Variants in CYRIA observed in about 807,000 individuals in gnomAD.
CYRIA encodes CYFIP related Rac1 interactor A.
CYRIA carries 15 observed loss-of-function variants against 43.9 expected under a neutral mutation model. The ratio of observed to expected loss-of-function variants is 0.34; its 90% CI spans 0.23 to 0.53. The LOEUF (loss-of-function observed/expected upper bound fraction) is 0.53. CYRIA is among the 20% of genes least tolerant of loss of function. The pLI, the probability that CYRIA is intolerant of heterozygous loss-of-function variation, is 0.94. For synonymous variants in CYRIA, 117 were observed against 136.0 expected (o/e 0.86, Z 0.97); for missense variants, 236 against 394.2 (o/e 0.60, Z 3.40).
intron 10 of CYRIA, among the ~76,000 whole-genome samples, chr2:16,558,663 C>CTTCA (rs892205503): frequency 3.9e-5 from 6 of 152,152 alleles, no homozygotes; most frequent in Admixed American, 6.6e-5. Flanking sequence ...TTTCAATTAT[C>CTTCA]TTCATTCATT....
chr2:16,623,472 A>G (rs1191178454), intron 2 of CYRIA, among the ~76,000 whole-genome samples: 1 of 152,204 alleles, frequency 6.6e-6, no homozygotes, highest in Non-Finnish European at 1.5e-5. Context: ...AGCAGGTGGG[A>G]TGCAAGTCCG....
At chr2:16,629,830 A>C (rs1230217386) in intron 1 of CYRIA, among the ~76,000 whole-genome samples, 1 of 151,748 alleles carries the variant, frequency 6.6e-6, no homozygotes, top group Non-Finnish European at 1.5e-5. Context: ...CATTCAACAC[A>C]CAACAGCTGT....
chr2:16,622,862 G>C (rs1213358385), intron 2 of CYRIA: 2 of 152,240 alleles, frequency 1.3e-5, no homozygotes, highest in Non-Finnish European at 2.9e-5. Context: ...AAGAATAAGA[G>C]TCTGGCATAA....
Position 16,643,049 on chromosome 2 carries a change from AAGAT to A in CYRIA, c.-166-19034_-166-19031del, listed in dbSNP as rs1363872232. ...ATAATAATATAATTATTACCTAAATAAGATAAATACATTACTTTAGTACTTTTTT... is the reference window on the plus strand; with the variant it reads ...ATAATAATATAATTATTACCTAAATAAAATACATTACTTTAGTACTTTTTT... On this transcript the variant is annotated intron_variant, in intron 1 of 11. Transcript: ENST00000381323. Among the ~76,000 whole-genome samples the A allele has an allele frequency of 2.6e-4, 39 of 149,626 alleles. 1 individual carries two copies. The highest frequency in any genetic ancestry group is 9.3e-4 in the African/African-American group (38 of 41,052).
chr2:16,601,705 C>T (rs1668211797), intron 2 of CYRIA, among the ~76,000 whole-genome samples: 1 of 123,192 alleles, frequency 8.1e-6, no homozygotes, highest in Admixed American at 8.4e-5. Flanking sequence ...GTCACATTTC[C>T]AGTTTCAAAA....
intron 2 of CYRIA, among the ~76,000 whole-genome samples, chr2:16,614,150 A>G (rs11679606): frequency 0.58 from 87,606 of 152,074 alleles, 28,792 homozygotes; most frequent in East Asian, 0.99. Context: ...ATTTTGAGTC[A>G]GAAAATACTC....
In CYRIA at chr2:16,552,897, C is replaced by T. The variant is rs570496174; in HGVS notation, c.*39G>A. 6.4e-6 allele frequency: 8 copies of T among 1,256,976 alleles called. No individual in the cohort carries two copies. The South Asian group carries it at 9.5e-5, about 15-fold the overall frequency. 77.9% of individuals were successfully genotyped at this position (1,256,976 alleles called of 1,614,324 possible). A position where few individuals can be genotyped will look rare whatever the true frequency, so the allele number is the denominator to read the frequency against. ...TAAATTATGTAAACATATACATCTT[C>T]TGAGGTCAGCACATAGATCCTCTTC... On this transcript the variant is annotated 3_prime_UTR_variant, in exon 12 of 12. Transcript: ENST00000381323.
intron 1 of CYRIA, among the ~76,000 whole-genome samples, chr2:16,634,674 G>A (rs948045096): frequency 6.6e-6 from 1 of 152,196 alleles, no homozygotes; most frequent in Non-Finnish European, 1.5e-5. Context: ...GTGTCTGGGG[G>A]GTGGCAGAAC....
chr2:16,624,440 C>G (rs188734774), intron 1 of CYRIA, among the ~76,000 whole-genome samples: 1 of 152,142 alleles, frequency 6.6e-6, no homozygotes, highest in African/African-American at 2.4e-5. Flanking sequence ...TAGTTTCACC[C>G]CTGGGAGCTA....
At chr2:16,627,805 G>T (rs1423805066) in intron 1 of CYRIA, among the ~76,000 whole-genome samples, 1 of 152,182 alleles carries the variant, frequency 6.6e-6, no homozygotes, top group Non-Finnish European at 1.5e-5. Flanking sequence ...GTGCCCTCTG[G>T]GTAGCAGCCG....
intron 1 of CYRIA, among the ~76,000 whole-genome samples, chr2:16,633,075 TA>T: frequency 6.6e-6 from 1 of 152,174 alleles, no homozygotes; most frequent in East Asian, 1.9e-4. Context: ...CCACTTCTAA[TA>T]AAATCCATAT....
Position 16,620,192 on chromosome 2 carries a change from C to T in CYRIA, c.-11+3672G>A, listed in dbSNP as rs542150945. ...CGTAATTTCTAAAAGAACACTCTGA[C>T]TTTAGTATTCAGTGGAGAGAGGGTT... On this transcript the variant is annotated intron_variant, in intron 2 of 11. Transcript: ENST00000381323. Among the ~76,000 whole-genome samples, 25 of 152,314 alleles carry T rather than the reference C, an allele frequency of 1.6e-4. No individual in the cohort carries two copies. In the South Asian group the frequency reaches 5.0e-3, roughly 30 times the overall value.
intron 5 of CYRIA, 75 bp from the exon 6 acceptor site, chr2:16,562,216 T>A: frequency 1.3e-6 from 2 of 1,488,822 alleles, no homozygotes; most frequent in Non-Finnish European, 1.8e-6. Context: ...ATTCCCAGCC[T>A]CAGTTGACAA....
chr2:16,616,722 C>T (rs1668808465), intron 2 of CYRIA, among the ~76,000 whole-genome samples: 1 of 152,252 alleles, frequency 6.6e-6, no homozygotes, highest in Non-Finnish European at 1.5e-5. Context: ...TCAACCGAGG[C>T]TTTAAGTCAA....
intron 3 of CYRIA, among the ~76,000 whole-genome samples, chr2:16,587,778 G>C (rs2103458357): frequency 6.6e-6 from 1 of 152,090 alleles, no homozygotes; most frequent in East Asian, 1.9e-4. Flanking sequence ...CCCTACACAA[G>C]CTCTCTCTTG....
intron 2 of CYRIA, among the ~76,000 whole-genome samples, chr2:16,607,321 T>TGGGGGGGGGGGGGGGGGGG: frequency 2.8e-5 from 1 of 36,076 alleles, no homozygotes; most frequent in African/African-American, 1.1e-4. Flanking sequence ...GAGGGGCGGG[T>TGGGGGGGGGGGGGGGGGGG]GGGGGGTGCT....
intron 1 of CYRIA, among the ~76,000 whole-genome samples, chr2:16,637,288 T>G (rs1389806420): frequency 6.6e-6 from 1 of 152,242 alleles, no homozygotes; most frequent in African/African-American, 2.4e-5. Context: ...ATTCATAGGT[T>G]GGAGCCTAAA....
chr2:16,585,564 C>T (rs1667700162), intron 3 of CYRIA, among the ~76,000 whole-genome samples: 1 of 152,014 alleles, frequency 6.6e-6, no homozygotes, highest in South Asian at 2.1e-4. Context: ...TAGCTCTAGC[C>T]CCAGTAATAA....
chr2:16,583,716 A>C (rs1175881875), intron 3 of CYRIA, among the ~76,000 whole-genome samples: 2 of 152,194 alleles, frequency 1.3e-5, no homozygotes, highest in African/African-American at 4.8e-5. Context: ...TTAATCTTTC[A>C]TTTCTCCCTG....
Sources: allele counts gnomAD v4.1 joint callset (sites outside exome capture counted in the v4.1 genomes callset), GRCh38; gene constraint gnomAD v4.1.1; transcripts MANE v1.5; gene names NCBI Gene and HGNC (gene_info 2026-07-23, HGNC 2026-07-21).